DAB2: variants seen among roughly 807,000 people sequenced by gnomAD.
DAB2 encodes disabled homolog 2.
DAB2 carries 28 observed loss-of-function variants against 71.6 expected under a neutral mutation model. The ratio of observed to expected loss-of-function variants is 0.39; its 90% CI spans 0.29 to 0.54. The LOEUF (loss-of-function observed/expected upper bound fraction) is 0.54. DAB2 is among the 20% of genes least tolerant of loss of function. The pLI is 0.68. For missense variants in DAB2, 867 were observed against 928.8 expected (o/e 0.93, Z 0.86); for synonymous variants, 345 against 339.7 (o/e 1.02, Z -0.17).
intron 1 of DAB2, among the ~76,000 whole-genome samples, chr5:39,405,110 T>C (rs1427965552): frequency 6.6e-6 from 1 of 152,258 alleles, no homozygotes; most frequent in African/African-American, 2.4e-5. Flanking sequence ...TGTAAGTTAA[T>C]ATGCTTGTAT....
chr5:39,403,573 G>A (rs1755547814), intron 1 of DAB2, among the ~76,000 whole-genome samples: 1 of 152,148 alleles, frequency 6.6e-6, no homozygotes, highest in African/African-American at 2.4e-5. Context: ...CTAGGTAGCA[G>A]GAGTTACTTG....
At chr5:39,421,572 G>A (rs1314026305) in intron 1 of DAB2, among the ~76,000 whole-genome samples, 1 of 152,180 alleles carries the variant, frequency 6.6e-6, no homozygotes. Flanking sequence ...GAGGCAGCCA[G>A]TGTTGAATGT....
intron 1 of DAB2, among the ~76,000 whole-genome samples, chr5:39,399,147 A>G (rs1755442751): frequency 6.6e-6 from 1 of 152,192 alleles, no homozygotes; most frequent in South Asian, 2.1e-4. Flanking sequence ...AAAATTTCTT[A>G]CAAAGGGAAG....
At chr5:39,419,764 T>C (rs1475431413) in intron 1 of DAB2, among the ~76,000 whole-genome samples, 1 of 152,094 alleles carries the variant, frequency 6.6e-6, no homozygotes, top group African/African-American at 2.4e-5. Context: ...GGGGAAAAGA[T>C]TTGGAAGTGA....
chr5:39,408,535 GC>G (rs1317551138), intron 1 of DAB2: 2 of 152,078 alleles, frequency 1.3e-5, no homozygotes, highest in African/African-American at 2.4e-5. Context: ...AATCCCAGTG[GC>G]TATGAATAGC....
chr5:39,377,892 C>A (rs1754870554), intron 11 of DAB2, among the ~76,000 whole-genome samples: 1 of 152,142 alleles, frequency 6.6e-6, no homozygotes, highest in Admixed American at 6.5e-5. Flanking sequence ...ACTGATACAG[C>A]TATATACATA....
intron 1 of DAB2, chr5:39,417,351 C>A (rs531815695): frequency 6.6e-6 from 1 of 151,836 alleles, no homozygotes; most frequent in Non-Finnish European, 1.5e-5. Flanking sequence ...CAGTATAATT[C>A]ATCCCTACTT....
chr5:39,406,861 A>G (rs1755620081), intron 1 of DAB2, among the ~76,000 whole-genome samples: 1 of 152,226 alleles, frequency 6.6e-6, no homozygotes, highest in South Asian at 2.1e-4. Context: ...AAAAAAAACT[A>G]CTACTGACAT....
At chr5:39,400,985 A>G (rs1755484506) in intron 1 of DAB2, among the ~76,000 whole-genome samples, 1 of 152,216 alleles carries the variant, frequency 6.6e-6, no homozygotes, top group African/African-American at 2.4e-5. Flanking sequence ...AACAGCCTTC[A>G]CTGCTATCTT....
chr5:39,416,107 C>T (rs541311884), intron 1 of DAB2, among the ~76,000 whole-genome samples: 3 of 152,002 alleles, frequency 2.0e-5, no homozygotes, highest in Admixed American at 6.6e-5. Flanking sequence ...CTTGCCTCAC[C>T]GCCACCCTGA....
chr5:39,401,596 T>C (rs891512455), intron 1 of DAB2, among the ~76,000 whole-genome samples: 4 of 152,154 alleles, frequency 2.6e-5, no homozygotes, highest in African/African-American at 9.7e-5. Context: ...GAGAATATAG[T>C]TTGCTGAGCT....
intron 1 of DAB2, among the ~76,000 whole-genome samples, chr5:39,404,137 T>C (rs556595186): frequency 3.3e-5 from 5 of 151,138 alleles, no homozygotes; most frequent in African/African-American, 9.7e-5. Flanking sequence ...TTTGGGTATA[T>C]ACCCAGTAAT....
intron 9 of DAB2, 51 bp downstream of exon 9, chr5:39,388,254 G>T: frequency 7.5e-7 from 1 of 1,329,748 alleles, no homozygotes; most frequent in South Asian, 1.2e-5. Flanking sequence ...TTGCCAATTT[G>T]AGTTATAGAT....
At chr5:39,409,907 GAATATATATTA>G (rs1331113828) in intron 1 of DAB2, among the ~76,000 whole-genome samples, 4 of 152,106 alleles carry the variant, frequency 2.6e-5, no homozygotes, top group Non-Finnish European at 4.4e-5. Context: ...TCTTAGGAAG[GAATATATATTA>G]AATAGCTCAC....
In DAB2 at chr5:39,391,443, G is replaced by T. The variant is rs1240039116; in HGVS notation, c.331-868C>A. Among the ~76,000 whole-genome samples, 3 of 152,070 alleles carry T rather than the reference G, an allele frequency of 2.0e-5. No homozygotes were observed. The South Asian group carries it at 6.2e-4, about 32-fold the overall frequency. ...AAAATAAGAGTTGACAGATAAAGGC[G>T]ACTGATAAAGAGAGTGGTGCCTGAG... On this transcript the variant is annotated intron_variant, in intron 4 of 14. Coordinates refer to ENST00000320816, the MANE Select transcript of DAB2 (RefSeq NM_001343.4).
intron 1 of DAB2, among the ~76,000 whole-genome samples, chr5:39,398,006 G>A (rs1755407658): frequency 6.6e-6 from 1 of 152,200 alleles, no homozygotes; most frequent in African/African-American, 2.4e-5. Context: ...GCAGCAGCAA[G>A]ATGGCCCAGA....
intron 4 of DAB2, among the ~76,000 whole-genome samples, chr5:39,391,389 A>G (rs1459108852): frequency 6.6e-6 from 1 of 152,162 alleles, no homozygotes; most frequent in African/African-American, 2.4e-5. Context: ...GGTGAGAGAA[A>G]CATGCCACCT....
chr5:39,401,701 A>G (rs1755501060), intron 1 of DAB2, among the ~76,000 whole-genome samples: 1 of 151,890 alleles, frequency 6.6e-6, no homozygotes, highest in Admixed American at 6.6e-5. Context: ...CTGTTCTCAC[A>G]CTGCTGTTAA....
chr5:39,394,386 G>A lies in DAB2; in HGVS notation c.-66C>T. ...TTGGTGACACCAGGCGATCCCGATGGAGAAGTCTCAAATAAACATAACCTC... is the reference window on the plus strand; with the variant it reads ...TTGGTGACACCAGGCGATCCCGATGAAGAAGTCTCAAATAAACATAACCTC... On this transcript the variant is annotated 5_prime_UTR_variant, in exon 2 of 15. Coordinates refer to ENST00000320816, the MANE Select transcript of DAB2 (RefSeq NM_001343.4). 2 of 1,234,024 alleles carry A rather than the reference G, an allele frequency of 1.6e-6. No homozygotes were observed. Among genetic ancestry groups the A allele is most frequent in the Non-Finnish European group, 2.4e-6 (2 of 834,604 alleles). The allele number at this position is 1,234,024 out of a possible 1,614,324, so 76.4% of individuals were successfully genotyped here. A position where few individuals can be genotyped will look rare whatever the true frequency, so the allele number is the denominator to read the frequency against.
Sources: gnomAD v4.1 joint callset for allele counts (sites outside exome capture counted in the v4.1 genomes callset) on GRCh38, gnomAD v4.1.1 for gene constraint, MANE v1.5 for transcripts, NCBI Gene and HGNC (gene_info 2026-07-23, HGNC 2026-07-21) for gene names.